FMNL3: variants seen among roughly 807,000 people sequenced by gnomAD.
FMNL3 encodes formin like 3, also known as formin-like protein 3.
In FMNL3, 57 loss-of-function variants were observed where a neutral mutation model predicts 119.6. The ratio of observed to expected loss-of-function variants is 0.48; its 90% CI spans 0.39 to 0.59. FMNL3 has a LOEUF of 0.59. FMNL3 is among the 20% of genes least tolerant of loss of function. FMNL3 has a pLI of 0.00. For synonymous variants in FMNL3, 491 were observed against 507.3 expected, an observed-to-expected ratio of 0.97 and a Z score of 0.43; for missense variants, 1,053 against 1,323.5, an observed-to-expected ratio of 0.80 and a Z score of 3.17.
intron 1 of FMNL3, among the ~76,000 whole-genome samples, chr12:49,673,779 C>A (rs1944109778): frequency 2.0e-5 from 3 of 152,278 alleles, no homozygotes; most frequent in African/African-American, 7.2e-5. Context: ...GGCAGGCCAG[C>A]CGGCCCAGCC....
At chr12:49,688,560 T>C (rs1944525731) in intron 1 of FMNL3, 3 of 455,648 alleles carry the variant, frequency 6.6e-6, no homozygotes, top group Non-Finnish European at 1.3e-5. Flanking sequence ...AAAGTTGTTC[T>C]CTTCCTAGAA....
chr12:49,704,608 G>A (rs1378123008), intron 1 of FMNL3, among the ~76,000 whole-genome samples: 1 of 151,544 alleles, frequency 6.6e-6, no homozygotes, highest in African/African-American at 2.4e-5. Context: ...CTACTGGGGA[G>A]GCTGAAGCAG....
chr12:49,675,952 C>A (rs1342486075), intron 1 of FMNL3, among the ~76,000 whole-genome samples: 1 of 152,268 alleles, frequency 6.6e-6, no homozygotes, highest in East Asian at 1.9e-4. Context: ...CCTGGGACAG[C>A]CACTCTTCCC....
At chr12:49,651,122 G>C in intron 16 of FMNL3, 46 bp downstream of exon 16, 1 of 1,596,352 alleles carries the variant, frequency 6.3e-7, no homozygotes, top group South Asian at 1.1e-5. Context: ...AGGCAACCAG[G>C]TCCCTAGCCC....
rs911723483 is a variant in FMNL3 at position 49,638,929 on chromosome 12, C to G, written c.*6886G>C. ...TTCTTTGAAGTACTGTTTTGCCTTA[C>G]AAATTCACGTAGGTGTTGCATTTTA... On this transcript the variant is annotated 3_prime_UTR_variant, in exon 26 of 26. Transcript: ENST00000335154. 6.6e-6 allele frequency: 1 copy of G among 152,196 alleles called. No individual in the cohort carries two copies. The highest frequency in any genetic ancestry group is 1.5e-5 in the Non-Finnish European group (1 of 68,032). 9.4% of individuals were successfully genotyped at this position (152,196 alleles called of 1,614,324 possible). A position where few individuals can be genotyped will look rare whatever the true frequency, so the allele number is the denominator to read the frequency against.
At chr12:49,691,437 T>C (rs1336062529) in intron 1 of FMNL3, among the ~76,000 whole-genome samples, 1 of 152,224 alleles carries the variant, frequency 6.6e-6, no homozygotes, top group Non-Finnish European at 1.5e-5. Context: ...CTTCTAGGGC[T>C]ATGGCTGTGC....
In FMNL3 at chr12:49,644,431, G is replaced by A. The variant is rs1015086404; in HGVS notation, c.*1384C>T. 2.6e-5 allele frequency: 14 copies of A among 537,038 alleles called. No homozygotes were observed. Among genetic ancestry groups the A allele is most frequent in the Admixed American group, 2.2e-4 (7 of 32,016 alleles). 33.3% of individuals were successfully genotyped at this position (537,038 alleles called of 1,614,324 possible). A position where few individuals can be genotyped will look rare whatever the true frequency, so the allele number is the denominator to read the frequency against. ...CCCAGACCAGAGATGGGTGGTATAT[G>A]CCATGTGGGGTGGGTGATGCCAGTA... is the stretch of plus-strand genomic sequence containing the variant. On this transcript the variant is annotated 3_prime_UTR_variant, in exon 26 of 26. Transcript: ENST00000335154.
At chr12:49,678,982 G>A (rs1235317308) in intron 1 of FMNL3, among the ~76,000 whole-genome samples, 1 of 152,158 alleles carries the variant, frequency 6.6e-6, no homozygotes, top group Non-Finnish European at 1.5e-5. Flanking sequence ...AGGATATGAT[G>A]AGCTAAGTAA....
chr12:49,664,411 CAAAT>C (rs1943827565), intron 4 of FMNL3, among the ~76,000 whole-genome samples: 2 of 152,064 alleles, frequency 1.3e-5, no homozygotes, highest in African/African-American at 2.4e-5. Flanking sequence ...TCTTAAAAAA[CAAAT>C]AAACAAAAAG....
rs1318052197 is a variant in FMNL3 at position 49,643,538 on chromosome 12, T to C, written c.*2277A>G. ...GGAAGTAGAAAGAACTTCCTCTACCTGCCCAAGCAAGAAGCTGGAGAAGGA... is the reference window on the plus strand; with the variant it reads ...GGAAGTAGAAAGAACTTCCTCTACCCGCCCAAGCAAGAAGCTGGAGAAGGA... On this transcript the variant is annotated 3_prime_UTR_variant, in exon 26 of 26. Transcript: ENST00000335154. 7.3e-7 allele frequency: 1 copy of C among 1,365,088 alleles called. No individual in the cohort carries two copies. The highest frequency in any genetic ancestry group is 9.9e-7 in the Non-Finnish European group (1 of 1,011,112). The allele number at this position is 1,365,088 out of a possible 1,614,324, so 84.6% of individuals were successfully genotyped here.
In FMNL3 at chr12:49,636,946, C is replaced by G. The variant is rs188148516; in HGVS notation, c.*8869G>C. The G allele has an allele frequency of 1.3e-6, 2 of 1,558,726 alleles. No individual in the cohort carries two copies. Among genetic ancestry groups the G allele is most frequent in the African/African-American group, 1.3e-5 (1 of 74,202 alleles). On this transcript the variant is annotated 3_prime_UTR_variant, in exon 26 of 26. Transcript: ENST00000335154. Reference sequence around the variant, plus strand: ...CCCCCTTCTGGATACGCTGCCTGTTCTTTCTGTGCCTAGCCCTGTCCAAGC... The same window carrying G: ...CCCCCTTCTGGATACGCTGCCTGTTGTTTCTGTGCCTAGCCCTGTCCAAGC...
At chr12:49,699,179 T>C (rs1944835130) in intron 1 of FMNL3, among the ~76,000 whole-genome samples, 1 of 152,152 alleles carries the variant, frequency 6.6e-6, no homozygotes, top group Non-Finnish European at 1.5e-5. Flanking sequence ...AAGTGACTGG[T>C]CTGGCAGACC....
At chr12:49,706,697 G>T (rs746595300) in intron 1 of FMNL3, among the ~76,000 whole-genome samples, 169 of 152,322 alleles carry the variant, frequency 1.1e-3, no homozygotes, top group Non-Finnish European at 1.9e-3. Context: ...CCACCCGCGA[G>T]AGGCTCCGGG....
In FMNL3 at chr12:49,668,547, A is replaced by G. The variant is rs956569528; in HGVS notation, c.134T>C (p.Met45Thr). The change falls in exon 2 of 26, where the codon ATG (methionine) becomes ACG (threonine). Residue 45 changes from methionine to threonine, a missense_variant. By Grantham distance (81) the Met-to-Thr change is moderately conservative. Around this residue, in one of 4 missense-constraint regions of FMNL3, gnomAD observed 264 missense variants for 265.5 expected, o/e 0.99. Transcript: ENST00000335154. ...CCGGGCCTTGTCTGGAGGCAGGTTCATGGAGCTCTGAGGAGAGAACCTGAG... is the reference window on the plus strand; with the variant it reads ...CCGGGCCTTGTCTGGAGGCAGGTTCGTGGAGCTCTGAGGAGAGAACCTGAG... ...EERFALVLSS[M>T]NLPPDKARLL... 1.2e-6 allele frequency: 2 copies of G among 1,614,132 alleles called. No homozygotes were observed. Among genetic ancestry groups the G allele is most frequent in the Non-Finnish European group, 1.7e-6 (2 of 1,180,010 alleles).
chr12:49,657,253 C>G, intron 6 of FMNL3, 63 bp from the exon 7 acceptor site: 1 of 1,274,698 alleles, frequency 7.8e-7, no homozygotes. Context: ...TCTAGGGACA[C>G]TCACCATCAC....
chr12:49,642,841 A>T lies in FMNL3; in HGVS notation c.*2974T>A. 6.8e-7 allele frequency: 1 copy of T among 1,471,704 alleles called. No individual in the cohort carries two copies. The highest frequency in any genetic ancestry group is 9.3e-7 in the Non-Finnish European group (1 of 1,075,716). 91.2% of individuals were successfully genotyped at this position (1,471,704 alleles called of 1,614,324 possible). A position where few individuals can be genotyped will look rare whatever the true frequency, so the allele number is the denominator to read the frequency against. The stretch of plus-strand genomic sequence containing the variant: ...TAGGCAGAAGGCTCTAGTCTGAGAA[A>T]GGGAGGCAAAGCCAGATTTTAGGAA... On this transcript the variant is annotated 3_prime_UTR_variant, in exon 26 of 26. Transcript: ENST00000335154. The surrounding 1 kb of genome is among the most constrained non-coding windows in gnomAD (Gnocchi z 5.8).
intron 1 of FMNL3, among the ~76,000 whole-genome samples, chr12:49,672,327 AAG>A (rs1944068082): frequency 6.6e-6 from 1 of 152,216 alleles, no homozygotes; most frequent in Admixed American, 6.5e-5. Context: ...AGGAAGAAGT[AAG>A]GGAGGTAAGT....
chr12:49,650,016 CAG>C (rs1943345398), intron 17 of FMNL3, 91 bp from the exon 18 acceptor site: 1 of 1,153,632 alleles, frequency 8.7e-7, no homozygotes, highest in African/African-American at 1.5e-5. Flanking sequence ...AAGAACTGGA[CAG>C]GGGACTGTAC....
intron 4 of FMNL3, among the ~76,000 whole-genome samples, chr12:49,664,217 C>T (rs1943822520): frequency 6.6e-6 from 1 of 152,178 alleles, no homozygotes; most frequent in African/African-American, 2.4e-5. Context: ...GGCGACAGAG[C>T]TAGACTCCAT....
Sources: allele counts gnomAD v4.1 joint callset (sites outside exome capture counted in the v4.1 genomes callset), GRCh38; gene constraint gnomAD v4.1.1; regional missense constraint gnomAD v4.1.1; non-coding constraint Gnocchi (gnomAD v3.1); transcripts MANE v1.5; gene names NCBI Gene and HGNC (gene_info 2026-07-23, HGNC 2026-07-21).